KTN1: variants seen among roughly 807,000 people sequenced by gnomAD.
KTN1 encodes kinectin 1, also known as kinectin.
In KTN1, 130 loss-of-function variants were observed where a neutral mutation model predicts 222.5. The ratio of observed to expected loss-of-function variants is 0.58; its 90% CI spans 0.51 to 0.68. KTN1 has a LOEUF of 0.68. Ranked by LOEUF, KTN1 falls within the 30% of genes least tolerant of loss-of-function variation. The pLI is 0.00. For synonymous variants in KTN1, 512 were observed against 496.3 expected (o/e 1.03, Z -0.42); for missense variants, 1,508 against 1,500.4 (o/e 1.01, Z -0.08).
Position 55,637,859 on chromosome 14 carries a change from T to C in KTN1, c.1785+12T>C. The C allele has an allele frequency of 6.3e-7, 1 of 1,597,638 alleles. No individual in the cohort carries two copies. Among genetic ancestry groups the C allele is most frequent in the Non-Finnish European group, 8.6e-7 (1 of 1,167,372 alleles). ...AGATAGCAGCCCAGGTAATGATGCT[T>C]TCTTATTGCTTATGATTAATAACTT... is the stretch of plus-strand genomic sequence containing the variant. On this transcript the variant is annotated intron_variant, in intron 12 of 43. Coordinates refer to ENST00000395314, the MANE Select transcript of KTN1 (RefSeq NM_001079521.2).
intron 10 of KTN1, among the ~76,000 whole-genome samples, 161 bp downstream of exon 10, chr14:55,636,697 G>C (rs1208759073): frequency 6.6e-6 from 1 of 152,018 alleles, no homozygotes; most frequent in African/African-American, 2.4e-5. Flanking sequence ...ACATTTGTTA[G>C]GGTTTTAAAA....
intron 2 of KTN1, among the ~76,000 whole-genome samples, chr14:55,614,481 T>G (rs935453097): frequency 6.6e-6 from 1 of 152,184 alleles, no homozygotes; most frequent in Non-Finnish European, 1.5e-5. Flanking sequence ...TCCCAAGTTC[T>G]GAGTTAGGTT....
At chr14:55,671,030 T>C (rs914593437) in intron 35 of KTN1, among the ~76,000 whole-genome samples, 1 of 152,172 alleles carries the variant, frequency 6.6e-6, no homozygotes, top group African/African-American at 2.4e-5. Context: ...TTCCTTTAAC[T>C]CTGTATTTTA....
chr14:55,642,044 T>A (rs2041858745), intron 18 of KTN1, among the ~76,000 whole-genome samples: 1 of 152,200 alleles, frequency 6.6e-6, no homozygotes, highest in Admixed American at 6.5e-5. Context: ...TCAGAATAAA[T>A]GTCCTGCCTT....
intron 6 of KTN1, among the ~76,000 whole-genome samples, chr14:55,629,311 G>A (rs1288219262): frequency 1.3e-5 from 2 of 151,660 alleles, no homozygotes; most frequent in African/African-American, 2.4e-5. Context: ...TCAACTACTC[G>A]GGAGGCTGAG....
At position 55,653,556 on chromosome 14, in the gene KTN1, C is replaced by G. The variant is rs2043156979; in HGVS notation, c.2764-3C>G. ...GCATTAAAAATATGATTCTGTTTCT[C>G]AGGCCTCTTCTGCATCACAGTTTGA... On this transcript the variant is annotated splice_polypyrimidine_tract_variant and splice_region_variant and intron_variant, in intron 27 of 43. Transcript: ENST00000395314. 6.2e-7 allele frequency: 1 copy of G among 1,608,194 alleles called. No homozygotes were observed. Among genetic ancestry groups the G allele is most frequent in the Non-Finnish European group, 8.5e-7 (1 of 1,175,708 alleles).
Position 55,672,945 on chromosome 14 carries a change from A to C in KTN1, c.3620A>C (p.Glu1207Ala), listed in dbSNP as rs770726955. 5.6e-6 allele frequency: 9 copies of C among 1,613,130 alleles called. No individual in the cohort carries two copies. The highest frequency in any genetic ancestry group is 7.6e-6 in the Non-Finnish European group (9 of 1,179,318). Residue 1207 changes from glutamate to alanine, a missense_variant, in exon 39 of 44, where the codon GAA becomes GCA. By Grantham distance (107) the Glu-to-Ala change is moderately radical. Transcript: ENST00000395314. ...CATTGCTAGCTGAGAAGAGAACGAG[A>C]ACATTTGGAAATGGAACTAGAAAAG... Reference protein sequence around the residue: ...KDIENLRREREHLEMELEKAE... With the variant: ...KDIENLRRERAHLEMELEKAE...
chr14:55,589,323 G>A (rs927522450), intron 1 of KTN1, among the ~76,000 whole-genome samples: 2 of 151,860 alleles, frequency 1.3e-5, no homozygotes, highest in African/African-American at 2.4e-5. Context: ...TTTTGAAACG[G>A]CGTCTCGCTC....
intron 1 of KTN1, among the ~76,000 whole-genome samples, chr14:55,592,491 A>G (rs897228441): frequency 1.3e-5 from 2 of 152,230 alleles, no homozygotes; most frequent in Admixed American, 6.5e-5. Flanking sequence ...CCACTTATAC[A>G]TGGAGCAGGA....
intron 13 of KTN1, 22 bp downstream of exon 13, chr14:55,639,244 C>G (rs745639392): frequency 1.9e-6 from 3 of 1,565,174 alleles, no homozygotes; most frequent in Admixed American, 3.3e-5. Context: ...TTTTCACACT[C>G]TTATAATTGT....
intron 29 of KTN1, chr14:55,656,400 T>G (rs185826567): frequency 1.5e-5 from 5 of 324,674 alleles, no homozygotes; most frequent in South Asian, 1.1e-4. Context: ...TCAAGATCTT[T>G]CCATATAAAG....
intron 17 of KTN1, 109 bp downstream of exon 17, chr14:55,641,317 G>T: frequency 1.6e-6 from 1 of 637,852 alleles, no homozygotes; most frequent in Admixed American, 3.4e-5. Flanking sequence ...CTGAAACAGT[G>T]TTTCTGTAGT....
At chr14:55,653,474 G>T in intron 27 of KTN1, 85 bp from the exon 28 acceptor site, 3 of 982,748 alleles carry the variant, frequency 3.1e-6, no homozygotes, top group Admixed American at 2.2e-5. Context: ...TGTTTTTATT[G>T]GTGGGTGATT....
In KTN1 at chr14:55,671,607, A is replaced by G. The variant is rs2045459467; in HGVS notation, c.3390A>G (p.Thr1130=). Residue 1130 remains threonine, a synonymous_variant, in exon 36 of 44, where the codon ACA becomes ACG. Coordinates refer to ENST00000395314, the MANE Select transcript of KTN1 (RefSeq NM_001079521.2). ...HKLKEADEMH[T]LLQLECEKYK... The stretch of plus-strand genomic sequence containing the variant: ...TGAAAGAAGCTGATGAAATGCACAC[A>G]TTGTTACAGCTAGAGTGTGAAAAAT... The G allele has an allele frequency of 3.7e-6, 6 of 1,613,048 alleles. No individual in the cohort carries two copies. The highest frequency in any genetic ancestry group is 1.3e-5 in the African/African-American group (1 of 75,006).
intron 43 of KTN1, 130 bp downstream of exon 43, chr14:55,679,815 A>G: frequency 2.0e-6 from 2 of 984,800 alleles, no homozygotes; most frequent in South Asian, 1.5e-5. Flanking sequence ...CTTCCAGATG[A>G]CAGCCTTAAG....
intron 2 of KTN1, among the ~76,000 whole-genome samples, chr14:55,614,757 T>G (rs8008764): frequency 0.34 from 51,752 of 152,024 alleles, 8,855 homozygotes; most frequent in East Asian, 0.39. Flanking sequence ...AGACCATATG[T>G]CCTATAAGGT....
At chr14:55,585,804 C>T (rs939112803) in intron 1 of KTN1, among the ~76,000 whole-genome samples, 7 of 152,168 alleles carry the variant, frequency 4.6e-5, no homozygotes, top group Admixed American at 4.6e-4. Flanking sequence ...TCAGTTAATC[C>T]AGTGAGAGAT....
chr14:55,626,245 T>G (rs1401302706), intron 5 of KTN1, among the ~76,000 whole-genome samples: 1 of 152,012 alleles, frequency 6.6e-6, no homozygotes, highest in African/African-American at 2.4e-5. Context: ...AAAGAAAACT[T>G]TATTTCTACT....
chr14:55,613,167 CTAGCTGTAGACACAGA>C (rs2037842532), intron 2 of KTN1, among the ~76,000 whole-genome samples: 1 of 152,184 alleles, frequency 6.6e-6, no homozygotes, highest in African/African-American at 2.4e-5. Flanking sequence ...TAGTCGTGTG[CTAGCTGTAGACACAGA>C]TAGGTCATTA....
Sources: gnomAD v4.1 joint callset for allele counts (sites outside exome capture counted in the v4.1 genomes callset) on GRCh38, gnomAD v4.1.1 for gene constraint, MANE v1.5 for transcripts, NCBI Gene and HGNC (gene_info 2026-07-23, HGNC 2026-07-21) for gene names.